The following NBAS variants were observed in gnomAD, a reference collection of about 807,000 sequenced individuals.
NBAS encodes the protein NBAS subunit of NRZ tethering complex.
Under a neutral mutation model 302.5 loss-of-function variants are expected in NBAS, and 219 were observed. The ratio of observed to expected loss-of-function variants is 0.72; its 90% CI spans 0.65 to 0.81. NBAS has a LOEUF of 0.81. Ranked by LOEUF, NBAS falls within the 30% of genes least tolerant of loss-of-function variation. NBAS has a pLI of 0.00. For synonymous variants in NBAS, 1,118 were observed against 1,021.6 expected (o/e 1.09, Z -1.80); for missense variants, 2,932 against 2,841.6 (o/e 1.03, Z -0.72).
chr2:15,516,977 G>C lies in NBAS; in HGVS notation c.747-5627C>G, dbSNP rs1662423580. 2.6e-5 allele frequency among the ~76,000 whole-genome samples: 4 copies of C among 152,188 alleles called. No homozygotes were observed. In the South Asian group the frequency reaches 8.3e-4, roughly 32 times the overall value. Reference sequence around the variant, plus strand: ...ACTCTTAAAAACTACTAGCGAGATTGCAAATTGAAGCAATCATTTTGGAGC... The same window carrying C: ...ACTCTTAAAAACTACTAGCGAGATTCCAAATTGAAGCAATCATTTTGGAGC... On this transcript the variant is annotated intron_variant, in intron 9 of 51. Transcript: ENST00000281513.
chr2:15,463,747 A>C (rs868126783), intron 19 of NBAS, among the ~76,000 whole-genome samples: 53 of 149,224 alleles, frequency 3.6e-4, no homozygotes, highest in Non-Finnish European at 8.9e-5. Flanking sequence ...TAATTTCAAA[A>C]CCTCAACACT....
At chr2:15,465,958 A>G (rs943294518) in intron 19 of NBAS, among the ~76,000 whole-genome samples, 7 of 152,212 alleles carry the variant, frequency 4.6e-5, no homozygotes, top group Admixed American at 2.0e-4. Context: ...ACCTCAAAAC[A>G]TCACAGAACT....
the NBAS span, among the ~76,000 whole-genome samples, chr2:14,827,955 A>G: frequency 2.0e-5 from 3 of 152,348 alleles, no homozygotes; most frequent in Admixed American, 2.0e-4. Context: ...ATAATAAAAA[A>G]AAGACACTTT....
chr2:14,884,058 C>G, the NBAS span, among the ~76,000 whole-genome samples: 1 of 152,046 alleles, frequency 6.6e-6, no homozygotes, highest in South Asian at 2.1e-4. Context: ...GCATTGATAA[C>G]TACCCAGTGG....
At chr2:15,209,279 C>T (rs952535253) in intron 48 of NBAS, among the ~76,000 whole-genome samples, 2 of 152,028 alleles carry the variant, frequency 1.3e-5, no homozygotes, top group East Asian at 3.9e-4. Context: ...AGACCAATAA[C>T]AGGTAATGAG....
chr2:15,157,670 G>C, the NBAS span, among the ~76,000 whole-genome samples: 2 of 152,128 alleles, frequency 1.3e-5, no homozygotes, highest in Non-Finnish European at 2.9e-5. Flanking sequence ...TTGCCCTAGA[G>C]AGAAGAGGTG....
chr2:14,971,405 C>T, the NBAS span, among the ~76,000 whole-genome samples: 4 of 152,066 alleles, frequency 2.6e-5, no homozygotes, highest in African/African-American at 9.7e-5. Context: ...ATCCCAGCTA[C>T]TTAGGAGGCT....
intron 11 of NBAS, among the ~76,000 whole-genome samples, chr2:15,498,172 T>C (rs6431709): frequency 0.61 from 92,031 of 151,930 alleles, 28,823 homozygotes; most frequent in Non-Finnish European, 0.68. Context: ...TTATTTCAAC[T>C]TTCCTCTCTG....
chr2:15,474,018 G>A, intron 15 of NBAS, 49 bp downstream of exon 15: 1 of 1,609,630 alleles, frequency 6.2e-7, no homozygotes. Flanking sequence ...CTCAATAAAA[G>A]AAAAGCTTGA....
intron 47 of NBAS, among the ~76,000 whole-genome samples, chr2:15,225,639 C>T (rs1030273256): frequency 6.6e-6 from 1 of 152,108 alleles, no homozygotes; most frequent in Non-Finnish European, 1.5e-5. Context: ...GCAGCTGAAG[C>T]TGAGACTGTG....
In NBAS at chr2:15,461,225, T is replaced by G. The variant is rs1461337664; in HGVS notation, c.2315A>C (p.Tyr772Ser). 1 of 1,613,876 alleles carries G rather than the reference T, an allele frequency of 6.2e-7. No homozygotes were observed. Among genetic ancestry groups the G allele is most frequent in the Non-Finnish European group, 8.5e-7 (1 of 1,179,848 alleles). Residue 772 changes from tyrosine (Y) to serine (S), a missense_variant, in exon 21 of 52, where the codon TAT (tyrosine) becomes TCT (serine). Transcript: ENST00000281513. ...NFPETTSPHEYSVLLPEACFN... is the reference protein window; with the variant it reads ...NFPETTSPHESSVLLPEACFN... ...CCAAGCTTCGGGCAGCAAAACAGAA[T>G]ATTCATGTGGAGAAGTGGTCTCTGG...
the NBAS span, among the ~76,000 whole-genome samples, chr2:14,973,655 T>C: frequency 1.3e-5 from 2 of 152,194 alleles, no homozygotes; most frequent in Admixed American, 1.3e-4. Flanking sequence ...ACAAACAGGA[T>C]AAAGCTAGGT....
chr2:14,801,358 A>C, the NBAS span, among the ~76,000 whole-genome samples: 1 of 152,176 alleles, frequency 6.6e-6, no homozygotes, highest in South Asian at 2.1e-4. Context: ...CATTTTAAAA[A>C]ATTTTTTGTG....
chr2:14,868,785 T>C, the NBAS span, among the ~76,000 whole-genome samples: 2 of 152,188 alleles, frequency 1.3e-5, no homozygotes, highest in African/African-American at 4.8e-5. Context: ...AAGTATCCCT[T>C]CCCACTTTCA....
the NBAS span, among the ~76,000 whole-genome samples, chr2:14,880,934 C>CAA: frequency 8.7e-3 from 1,220 of 140,656 alleles, 17 homozygotes; most frequent in African/African-American, 0.027. Flanking sequence ...TCCAGGATAG[C>CAA]AAAAAAAAAA....
chr2:15,520,073 A>AT (rs536779367), intron 9 of NBAS, among the ~76,000 whole-genome samples: 1 of 151,968 alleles, frequency 6.6e-6, no homozygotes, highest in African/African-American at 2.4e-5. Context: ...CTCGGCTATA[A>AT]TTTTTTTTAA....
chr2:15,413,419 A>G (rs75931740), intron 25 of NBAS, among the ~76,000 whole-genome samples: 2,056 of 152,326 alleles, frequency 0.013, 33 homozygotes, highest in East Asian at 0.059. Flanking sequence ...GCACAGTATG[A>G]TAAGAGCTAT....
At chr2:15,007,608 A>G in the NBAS span, among the ~76,000 whole-genome samples, 2 of 152,148 alleles carry the variant, frequency 1.3e-5, no homozygotes, top group Non-Finnish European at 2.9e-5. Context: ...CTTGAGCTCT[A>G]TCCCAGATTG....
chr2:15,275,893 C>T, intron 43 of NBAS, 75 bp from the exon 44 acceptor site: 2 of 1,272,952 alleles, frequency 1.6e-6, no homozygotes, highest in Non-Finnish European at 2.3e-6. Flanking sequence ...AACACACACA[C>T]ATAGCCCTCT....
Sources: gnomAD v4.1 joint callset for allele counts (sites outside exome capture counted in the v4.1 genomes callset) on GRCh38, gnomAD v4.1.1 for gene constraint, MANE v1.5 for transcripts, NCBI Gene and HGNC (gene_info 2026-07-23, HGNC 2026-07-21) for gene names.